Variants in MDN1 observed in about 807,000 individuals in gnomAD.
The protein encoded by MDN1 is midasin.
In MDN1, 266 loss-of-function variants were observed where a neutral mutation model predicts 669.2. The observed-to-expected ratio is 0.40, with a 90% CI of 0.36 to 0.44. MDN1 has a LOEUF of 0.44. Ranked by LOEUF, MDN1 falls within the 20% of genes least tolerant of loss-of-function variation. The pLI is 1.00. For synonymous variants in MDN1, 2,385 were observed against 2,457.1 expected (o/e 0.97, Z 0.87); for missense variants, 5,940 against 6,754.0 (o/e 0.88, Z 4.22).
chr6:89,756,252 T>C, intron 20 of MDN1, 25 bp downstream of exon 20: 1 of 1,183,392 alleles, frequency 8.5e-7, no homozygotes, highest in Non-Finnish European at 1.2e-6. Flanking sequence ...AAAGAGCTTA[T>C]AAAGACATAC....
At chr6:89,773,634 C>T (rs181273699) in intron 13 of MDN1, among the ~76,000 whole-genome samples, 1 of 151,688 alleles carries the variant, frequency 6.6e-6, no homozygotes, top group African/African-American at 2.4e-5. Flanking sequence ...GATACAACTA[C>T]AAGCCAAGGA....
chr6:89,804,018 C>T (rs1229769336), intron 1 of MDN1, among the ~76,000 whole-genome samples: 1 of 150,088 alleles, frequency 6.7e-6, no homozygotes, highest in Non-Finnish European at 1.5e-5. Flanking sequence ...GCCTCAGCCT[C>T]CCATGAGTAG....
chr6:89,764,248 G>A (rs887895179), intron 15 of MDN1, among the ~76,000 whole-genome samples: 1 of 152,078 alleles, frequency 6.6e-6, no homozygotes, highest in Non-Finnish European at 1.5e-5. Context: ...CCTGCTATAC[G>A]TGTTAGCCAC....
chr6:89,745,176 A>AG (rs1288698839), intron 29 of MDN1, 97 bp downstream of exon 29: 24 of 1,290,520 alleles, frequency 1.9e-5, no homozygotes, highest in Admixed American at 8.1e-5. Context: ...GGAGGAAAGA[A>AG]GGGGGGATTA....
rs62417302 is a variant in MDN1 at position 89,701,670 on chromosome 6, T to C, written c.8315A>G (p.Lys2772Arg). Residue 2772 changes from lysine (K) to arginine (R), a missense_variant, in exon 55 of 102, where the codon AAA (lysine) becomes AGA (arginine). Lys to Arg is a conservative substitution (Grantham distance 26). Coordinates refer to ENST00000369393, the MANE Select transcript of MDN1 (RefSeq NM_014611.3). ...LLMNYEDKYY[K>R]EVQTVSEHIQ... ...ATGTTCTGAGACAGTCTGAACTTCT[T>C]TGTAATATCTTTAAAGGAGAACAAG... is the stretch of plus-strand genomic sequence containing the variant. 39 of 1,613,692 alleles carry C rather than the reference T, an allele frequency of 2.4e-5. No individual in the cohort carries two copies. The highest frequency in any genetic ancestry group is 3.1e-5 in the Non-Finnish European group (36 of 1,179,916).
chr6:89,783,313 C>T (rs537579655), intron 9 of MDN1, among the ~76,000 whole-genome samples: 32 of 152,194 alleles, frequency 2.1e-4, no homozygotes, highest in African/African-American at 7.7e-4. Context: ...TCTGGGAATG[C>T]CTGTCTTATG....
intron 94 of MDN1, among the ~76,000 whole-genome samples, 146 bp downstream of exon 94, chr6:89,652,836 AATAGTATTCC>A (rs1808978935): frequency 6.6e-6 from 1 of 152,220 alleles, no homozygotes; most frequent in Non-Finnish European, 1.5e-5. Context: ...CTATCATACC[AATAGTATTCC>A]TAAAAATTTT....
intron 5 of MDN1, 127 bp from the exon 6 acceptor site, chr6:89,790,528 TATA>T: frequency 8.9e-7 from 1 of 1,128,796 alleles, no homozygotes; most frequent in South Asian, 1.3e-5. Context: ...GTACCAAAAC[TATA>T]ATAACAACAG....
intron 5 of MDN1, among the ~76,000 whole-genome samples, chr6:89,792,266 G>A (rs1000347520): frequency 6.6e-6 from 1 of 152,102 alleles, no homozygotes; most frequent in Admixed American, 6.6e-5. Context: ...AATATGGCTG[G>A]TTCCCTAAAA....
chr6:89,682,992 C>G, intron 73 of MDN1, 140 bp downstream of exon 73: 1 of 850,366 alleles, frequency 1.2e-6, no homozygotes, highest in Non-Finnish European at 1.8e-6. Flanking sequence ...GGAAGTCAGG[C>G]AAATACATGC....
intron 53 of MDN1, 124 bp from the exon 54 acceptor site, chr6:89,702,185 A>T: frequency 1.1e-6 from 1 of 878,324 alleles, no homozygotes. Context: ...AACATAGGCT[A>T]TAATTGCTAA....
At chr6:89,798,719 A>G (rs1819746710) in intron 2 of MDN1, among the ~76,000 whole-genome samples, 1 of 152,246 alleles carries the variant, frequency 6.6e-6, no homozygotes, top group Admixed American at 6.5e-5. Flanking sequence ...ACACTTTTAT[A>G]TAAACTATCC....
chr6:89,704,747 A>AT (rs1398461550), intron 53 of MDN1, among the ~76,000 whole-genome samples: 2 of 152,008 alleles, frequency 1.3e-5, no homozygotes, highest in African/African-American at 4.8e-5. Context: ...TGCCTGGCTA[A>AT]TTTTTTGTAT....
intron 62 of MDN1, 50 bp downstream of exon 62, chr6:89,694,024 A>C: frequency 6.9e-7 from 1 of 1,447,164 alleles, no homozygotes; most frequent in Non-Finnish European, 9.7e-7. Context: ...ACATTACATC[A>C]AAAGGAGAGT....
chr6:89,673,724 A>T (rs1810991315), intron 79 of MDN1, among the ~76,000 whole-genome samples: 1 of 150,920 alleles, frequency 6.6e-6, no homozygotes, highest in Non-Finnish European at 1.5e-5. Context: ...ATTAATGATA[A>T]ATTTATTCCA....
intron 33 of MDN1, among the ~76,000 whole-genome samples, chr6:89,733,151 T>C (rs1815711423): frequency 6.6e-6 from 1 of 152,174 alleles, no homozygotes; most frequent in Non-Finnish European, 1.5e-5. Context: ...ATTTTACTTG[T>C]ATTTTAAATA....
intron 58 of MDN1, among the ~76,000 whole-genome samples, chr6:89,699,270 T>G (rs1812977555): frequency 6.6e-6 from 1 of 152,206 alleles, no homozygotes; most frequent in Non-Finnish European, 1.5e-5. Flanking sequence ...AGTATTCATA[T>G]TCAATTTATT....
At chr6:89,759,075 G>A in intron 17 of MDN1, 115 bp from the exon 18 acceptor site, 1 of 997,880 alleles carries the variant, frequency 1.0e-6, no homozygotes, top group Non-Finnish European at 1.4e-6. Context: ...CCTACTTGAT[G>A]GGCCTATACT....
chr6:89,754,151 T>C lies in MDN1; in HGVS notation c.2896A>G (p.Thr966Ala). The change falls in exon 21 of 102, where the codon ACT (threonine) becomes GCT (alanine). Residue 966 changes from threonine to alanine, a missense_variant. Transcript: ENST00000369393. ...TGHRPHYSLR[T>A]LCRALRFAAS... Reference sequence around the variant, plus strand: ...GCAAATCGCAGGGCCCGGCACAGAGTCCGAAGGCTGTAGTGAGGTCTATGG... The same window carrying C: ...GCAAATCGCAGGGCCCGGCACAGAGCCCGAAGGCTGTAGTGAGGTCTATGG... The C allele has an allele frequency of 6.2e-7, 1 of 1,613,984 alleles. No homozygotes were observed. Among genetic ancestry groups the C allele is most frequent in the Non-Finnish European group, 8.5e-7 (1 of 1,179,988 alleles).
Sources: allele counts gnomAD v4.1 joint callset (sites outside exome capture counted in the v4.1 genomes callset), GRCh38; gene constraint gnomAD v4.1.1; transcripts MANE v1.5; gene names NCBI Gene and HGNC (gene_info 2026-07-23, HGNC 2026-07-21).